Variants in TULP4 observed in about 807,000 individuals in gnomAD.
TULP4 encodes TUB like protein 4.
TULP4 carries 16 observed loss-of-function variants against 129.0 expected under a neutral mutation model. The observed-to-expected ratio is 0.12, with a 90% CI of 0.08 to 0.19. The LOEUF (loss-of-function observed/expected upper bound fraction) is 0.19. TULP4 is among the 10% of genes least tolerant of loss of function. The pLI, the probability that TULP4 is intolerant of heterozygous loss-of-function variation, is 1.00. For missense variants in TULP4, 1,842 were observed against 2,059.1 expected, an observed-to-expected ratio of 0.89 and a Z score of 2.04; for synonymous variants, 998 against 854.0, an observed-to-expected ratio of 1.17 and a Z score of -2.94.
chr6:158,451,087 A>C (rs1190315579), intron 4 of TULP4, among the ~76,000 whole-genome samples: 1 of 152,124 alleles, frequency 6.6e-6, no homozygotes, highest in Non-Finnish European at 1.5e-5. Flanking sequence ...AGGAAAAAAC[A>C]GAAAAGAAAA....
At chr6:158,346,503 A>G (rs1052135790) in intron 1 of TULP4, among the ~76,000 whole-genome samples, 1 of 152,176 alleles carries the variant, frequency 6.6e-6, no homozygotes, top group African/African-American at 2.4e-5. Flanking sequence ...GACTCGATTT[A>G]TTTTGATCTT....
At chr6:158,237,494 TCA>T in intron 1 of TULP4, 1 of 1,541,608 alleles carries the variant, frequency 6.5e-7, no homozygotes, top group Non-Finnish European at 9.0e-7. Context: ...GGTGGGCTAC[TCA>T]CAGTTTTTCT....
At chr6:158,299,536 G>A (rs1779098099) in intron 1 of TULP4, among the ~76,000 whole-genome samples, 1 of 152,102 alleles carries the variant, frequency 6.6e-6, no homozygotes, top group African/African-American at 2.4e-5. Flanking sequence ...ATTCCCTTGT[G>A]GCTGATCTCT....
chr6:158,385,624 A>C (rs1184078439), intron 1 of TULP4, among the ~76,000 whole-genome samples: 2 of 149,712 alleles, frequency 1.3e-5, no homozygotes, highest in African/African-American at 4.9e-5. Flanking sequence ...TTATATACAT[A>C]TTATATATAA....
chr6:158,287,648 CA>C lies in TULP4; in HGVS notation n.116+5272del, dbSNP rs1379506678. On this transcript the variant is annotated intron_variant and non_coding_transcript_variant, in intron 1 of 1. Coordinates refer to the TULP4 transcript ENST00000432358. ...ACCATACTTACTAGGGAGGAACTGGCAAGGATTTATGGAATCGGTGATGTCG... is the reference window on the plus strand; with the variant it reads ...ACCATACTTACTAGGGAGGAACTGGCAGGATTTATGGAATCGGTGATGTCG... Among the ~76,000 whole-genome samples the C allele has an allele frequency of 2.6e-5, 4 of 152,218 alleles. No individual in the cohort carries two copies. The East Asian group carries it at 7.7e-4, about 29-fold the overall frequency.
intron 5 of TULP4, 75 bp from the exon 6 acceptor site, chr6:158,461,488 G>A: frequency 1.4e-6 from 2 of 1,429,844 alleles, no homozygotes; most frequent in Non-Finnish European, 1.9e-6. Context: ...TTAAACTACT[G>A]AAGACAGTAG....
intron 1 of TULP4, among the ~76,000 whole-genome samples, chr6:158,338,393 A>C (rs1007885408): frequency 1.3e-5 from 2 of 152,362 alleles, no homozygotes; most frequent in African/African-American, 4.8e-5. Flanking sequence ...TGTAAAGGAC[A>C]CATAATTTAG....
At chr6:158,344,338 G>A (rs141135176) in intron 1 of TULP4, among the ~76,000 whole-genome samples, 4 of 152,330 alleles carry the variant, frequency 2.6e-5, no homozygotes, top group Admixed American at 6.5e-5. Flanking sequence ...TCTTCACACA[G>A]ACGTGTGAGA....
At chr6:158,380,548 C>T (rs1378232156) in intron 1 of TULP4, among the ~76,000 whole-genome samples, 1 of 151,304 alleles carries the variant, frequency 6.6e-6, no homozygotes, top group Non-Finnish European at 1.5e-5. Flanking sequence ...GGGGCTTACA[C>T]AGATGACTTT....
Position 158,332,169 on chromosome 6 carries a change from CAAAAAAAAAAAAAA to C in TULP4, c.252+17920_252+17933del, listed in dbSNP as rs1169601263. Among the ~76,000 whole-genome samples the C allele has an allele frequency of 9.2e-5, 6 of 65,310 alleles. No homozygotes were observed. In the South Asian group the frequency reaches 2.2e-3, roughly 24 times the overall value. The allele number at this position is 65,310 out of a possible 152,430, so 42.8% of individuals were successfully genotyped here. On this transcript the variant is annotated intron_variant, in intron 1 of 13. Coordinates refer to ENST00000367097, the MANE Select transcript of TULP4 (RefSeq NM_020245.5). ...CCTGGTCGACAGAGTAAGACTCTGT[CAAAAAAAAAAAAAA>C]AAAAAAAAAAAAAAAAAATATATAT... is the stretch of plus-strand genomic sequence containing the variant.
At chr6:158,420,613 C>A (rs936009366) in intron 2 of TULP4, among the ~76,000 whole-genome samples, 14 of 151,152 alleles carry the variant, frequency 9.3e-5, no homozygotes, top group African/African-American at 3.4e-4. Flanking sequence ...TCCAGAGTAG[C>A]TGGGATTACA....
chr6:158,370,360 G>C (rs921004802), intron 1 of TULP4, among the ~76,000 whole-genome samples: 1 of 150,836 alleles, frequency 6.6e-6, no homozygotes, highest in Non-Finnish European at 1.5e-5. Context: ...AGGAGGCCGA[G>C]GCAGGAGAAT....
intron 2 of TULP4, among the ~76,000 whole-genome samples, chr6:158,416,226 C>T (rs1778205739): frequency 6.6e-6 from 1 of 152,164 alleles, no homozygotes; most frequent in Admixed American, 6.5e-5. Flanking sequence ...TCTCCCAGTC[C>T]ACTGACTCAA....
At chr6:158,364,317 G>C (rs983850810) in intron 1 of TULP4, among the ~76,000 whole-genome samples, 1 of 152,136 alleles carries the variant, frequency 6.6e-6, no homozygotes, top group South Asian at 2.1e-4. Context: ...ACATGCCAAG[G>C]TTCCTTTGGT....
chr6:158,314,509 ACTGT>A (rs1400605542), intron 1 of TULP4, among the ~76,000 whole-genome samples: 1 of 152,192 alleles, frequency 6.6e-6, no homozygotes, highest in East Asian at 1.9e-4. Flanking sequence ...CTCTCCCTGC[ACTGT>A]CTCTCTTAGA....
intron 3 of TULP4, among the ~76,000 whole-genome samples, chr6:158,436,527 G>A (rs536367401): frequency 2.1e-3 from 322 of 152,264 alleles, no homozygotes; most frequent in African/African-American, 7.2e-3. Flanking sequence ...CCTATTTAAA[G>A]AATATTCTAT....
chr6:158,377,520 T>A (rs1777219230), intron 1 of TULP4, among the ~76,000 whole-genome samples: 1 of 152,250 alleles, frequency 6.6e-6, no homozygotes, highest in African/African-American at 2.4e-5. Flanking sequence ...TAATTTGCCC[T>A]AGAATTGCAG....
Position 158,296,232 on chromosome 6 carries a change from G to T in TULP4, n.116+13854G>T, listed in dbSNP as rs561843909. 1.1e-4 allele frequency among the ~76,000 whole-genome samples: 16 copies of T among 148,704 alleles called. No individual in the cohort carries two copies. The South Asian group carries it at 2.9e-3, about 27-fold the overall frequency. ...CTTTTTCTCTTCCCTTTTCCTCATG[G>T]CTCACTGTAGCCTCGATTTCCTGGG... is the stretch of plus-strand genomic sequence containing the variant. On this transcript the variant is annotated intron_variant and non_coding_transcript_variant, in intron 1 of 1. Transcript: ENST00000432358.
chr6:158,357,705 A>C (rs1207792964), intron 1 of TULP4, among the ~76,000 whole-genome samples: 2 of 152,162 alleles, frequency 1.3e-5, no homozygotes, highest in Admixed American at 6.5e-5. Context: ...GATTGCCCCA[A>C]GGTCCCTACA....
Sources: gnomAD v4.1 joint callset for allele counts (sites outside exome capture counted in the v4.1 genomes callset) on GRCh38, gnomAD v4.1.1 for gene constraint, MANE v1.5 for transcripts, NCBI Gene and HGNC (gene_info 2026-07-23, HGNC 2026-07-21) for gene names.